Variants in CCDC148 observed in about 807,000 individuals in gnomAD.
The protein encoded by CCDC148 is coiled-coil domain-containing protein 148.
In CCDC148, 89 loss-of-function variants were observed where a neutral mutation model predicts 85.7. The ratio of observed to expected loss-of-function variants is 1.04; its 90% CI spans 0.87 to 1.24. CCDC148 has a LOEUF of 1.24. Ranked by LOEUF, CCDC148 falls within the 50% of genes most tolerant of loss-of-function variation. The pLI is 0.00. For synonymous variants in CCDC148, 230 were observed against 213.9 expected, an observed-to-expected ratio of 1.08 and a Z score of -0.66; for missense variants, 692 against 671.7, an observed-to-expected ratio of 1.03 and a Z score of -0.33.
At chr2:158,341,574 C>T (rs1411139688) in intron 3 of CCDC148, among the ~76,000 whole-genome samples, 2 of 152,060 alleles carry the variant, frequency 1.3e-5, no homozygotes, top group Non-Finnish European at 2.9e-5. Context: ...CTTGGCCTCC[C>T]AAAGTGCCAG....
In CCDC148 at chr2:158,243,465, T is replaced by A. The variant is rs560539675; in HGVS notation, c.1251+7307A>T. Among the ~76,000 whole-genome samples, 3 of 152,282 alleles carry A rather than the reference T, an allele frequency of 2.0e-5. No individual in the cohort carries two copies. The East Asian group carries it at 5.8e-4, about 29-fold the overall frequency. The stretch of plus-strand genomic sequence containing the variant: ...AGAACCCAGCAGGACCTCTGTGGAT[T>A]TTTTGGGAATTCACTACCTCAGACA... On this transcript the variant is annotated intron_variant, in intron 10 of 13. Transcript: ENST00000283233.
chr2:158,327,601 A>G (rs1174292341), intron 7 of CCDC148, among the ~76,000 whole-genome samples: 2 of 152,186 alleles, frequency 1.3e-5, no homozygotes, highest in Non-Finnish European at 2.9e-5. Flanking sequence ...GCAACATGCT[A>G]CAGTTTATAA....
chr2:158,350,788 G>A (rs1313743417), intron 2 of CCDC148, among the ~76,000 whole-genome samples: 1 of 151,764 alleles, frequency 6.6e-6, no homozygotes, highest in African/African-American at 2.4e-5. Context: ...ATATTTATGG[G>A]CACAATTTGA....
intron 1 of CCDC148, among the ~76,000 whole-genome samples, chr2:158,445,064 C>A (rs376741020): frequency 6.6e-6 from 1 of 151,970 alleles, no homozygotes; most frequent in African/African-American, 2.4e-5. Flanking sequence ...ATACAGTTCA[C>A]ACTTTTTTTA....
intron 9 of CCDC148, among the ~76,000 whole-genome samples, chr2:158,303,101 C>G (rs1022295281): frequency 6.6e-6 from 1 of 152,146 alleles, no homozygotes; most frequent in Non-Finnish European, 1.5e-5. Flanking sequence ...TCCTTTAACA[C>G]ATCTTAAAAG....
intron 9 of CCDC148, among the ~76,000 whole-genome samples, chr2:158,289,502 G>GAACT (rs1690788733): frequency 6.6e-6 from 1 of 152,122 alleles, no homozygotes; most frequent in Admixed American, 6.5e-5. Flanking sequence ...AGAAATCAGA[G>GAACT]AACTGCAAGT....
At chr2:158,214,790 C>T (rs1170569158) in intron 11 of CCDC148, among the ~76,000 whole-genome samples, 1 of 151,630 alleles carries the variant, frequency 6.6e-6, no homozygotes, top group African/African-American at 2.4e-5. Context: ...AATTTCTGTC[C>T]TCCCCAGAAA....
intron 11 of CCDC148, among the ~76,000 whole-genome samples, chr2:158,201,416 A>T (rs1373872539): frequency 3.4e-5 from 5 of 149,234 alleles, no homozygotes; most frequent in Admixed American, 3.3e-4. Flanking sequence ...ATTTGTTACT[A>T]TTTTTTTTTT....
chr2:158,205,521 C>A (rs62175426), intron 11 of CCDC148, among the ~76,000 whole-genome samples: 42,437 of 151,776 alleles, frequency 0.28, 6,042 homozygotes, highest in Middle Eastern at 0.34. Flanking sequence ...TTATATACAT[C>A]ATTTCCTTTA....
intron 1 of CCDC148, among the ~76,000 whole-genome samples, chr2:158,377,801 C>T (rs1684715965): frequency 6.6e-6 from 1 of 151,986 alleles, no homozygotes; most frequent in Admixed American, 6.6e-5. Context: ...ATGATACTAT[C>T]GTAATTGTTT....
At chr2:158,303,915 A>G (rs1324478796) in intron 9 of CCDC148, among the ~76,000 whole-genome samples, 3 of 152,152 alleles carry the variant, frequency 2.0e-5, no homozygotes, top group Non-Finnish European at 4.4e-5. Context: ...GAAAGCATCT[A>G]TTAGGATGCC....
chr2:158,207,954 G>GAC (rs34660144), intron 11 of CCDC148, among the ~76,000 whole-genome samples: 63,276 of 148,864 alleles, frequency 0.43, 14,530 homozygotes, highest in East Asian at 0.57. Context: ...ATTTTGATCT[G>GAC]ACACACACAC....
chr2:158,242,854 A>T (rs1321230229), intron 10 of CCDC148, among the ~76,000 whole-genome samples: 1 of 152,102 alleles, frequency 6.6e-6, no homozygotes, highest in African/African-American at 2.4e-5. Flanking sequence ...TTAGTGAAAT[A>T]TCATTTCAGT....
chr2:158,243,162 G>A (rs546599693), intron 10 of CCDC148, among the ~76,000 whole-genome samples: 1 of 152,052 alleles, frequency 6.6e-6, no homozygotes, highest in Non-Finnish European at 1.5e-5. Flanking sequence ...AGCCTAGAGA[G>A]GTGGGTTTGT....
At chr2:158,382,301 T>C (rs1684904362) in intron 1 of CCDC148, among the ~76,000 whole-genome samples, 1 of 152,174 alleles carries the variant, frequency 6.6e-6, no homozygotes. Context: ...CTACCAATAG[T>C]AGAATAAATT....
intron 1 of CCDC148, among the ~76,000 whole-genome samples, chr2:158,385,860 A>G (rs1345679499): frequency 6.6e-6 from 1 of 152,040 alleles, no homozygotes; most frequent in Non-Finnish European, 1.5e-5. Flanking sequence ...CCATCTGTCT[A>G]TGGTAACATC....
chr2:158,267,557 C>A (rs955091156), intron 9 of CCDC148, among the ~76,000 whole-genome samples: 1 of 152,164 alleles, frequency 6.6e-6, no homozygotes, highest in African/African-American at 2.4e-5. Flanking sequence ...AGGTCATAAC[C>A]TATTAGCAGA....
At chr2:158,416,222 C>T (rs1686493265) in intron 1 of CCDC148, among the ~76,000 whole-genome samples, 1 of 152,292 alleles carries the variant, frequency 6.6e-6, no homozygotes, top group Non-Finnish European at 1.5e-5. Context: ...TGGGCCCAGC[C>T]CAGGAAACCA....
In CCDC148 at chr2:158,172,037, A is replaced by G; in HGVS notation, c.*76T>C. On this transcript the variant is annotated 3_prime_UTR_variant, in exon 14 of 14. Transcript: ENST00000283233. ...TGTCTGATATTTCAAACATTTTAGA[A>G]AGTAGTAATTATTATTATCCATATA... 9.4e-7 allele frequency: 1 copy of G among 1,067,900 alleles called. No homozygotes were observed. The highest frequency in any genetic ancestry group is 1.3e-6 in the Non-Finnish European group (1 of 754,558). The allele number at this position is 1,067,900 out of a possible 1,614,324, so 66.2% of individuals were successfully genotyped here. A position where few individuals can be genotyped will look rare whatever the true frequency, so the allele number is the denominator to read the frequency against.
Sources: gnomAD v4.1 joint callset for allele counts (sites outside exome capture counted in the v4.1 genomes callset) on GRCh38, gnomAD v4.1.1 for gene constraint, MANE v1.5 for transcripts, NCBI Gene and HGNC (gene_info 2026-07-23, HGNC 2026-07-21) for gene names.